COMMD1: variants seen among roughly 807,000 people sequenced by gnomAD.
COMMD1 encodes the protein COMM domain-containing protein 1.
COMMD1 carries 10 observed loss-of-function variants against 17.2 expected under a neutral mutation model. The ratio of observed to expected loss-of-function variants is 0.58; its 90% confidence interval spans 0.36 to 0.99. The LOEUF (loss-of-function observed/expected upper bound fraction) is 0.99, where lower values mean the gene tolerates loss of function less well. Among genes scored for constraint, COMMD1 ranks in the 50% least tolerant of loss-of-function variants. The pLI, the probability that COMMD1 is intolerant of heterozygous loss-of-function variation, is 0.01. For synonymous variants in COMMD1, 97 were observed against 91.6 expected (o/e 1.06, Z -0.34); for missense variants, 270 against 231.8 (o/e 1.17, Z -1.07).
At chr2:61,929,793 G>A (rs1325715580) in intron 1 of COMMD1, among the ~76,000 whole-genome samples, 2 of 152,100 alleles carry the variant, frequency 1.3e-5, no homozygotes, top group African/African-American at 2.4e-5. Context: ...GTATGGTGGT[G>A]CATGTCTGTA....
chr2:62,110,669 C>A (rs541957763), intron 2 of COMMD1, among the ~76,000 whole-genome samples: 29 of 152,198 alleles, frequency 1.9e-4, no homozygotes, highest in Non-Finnish European at 3.5e-4. Flanking sequence ...TGTTAGATGG[C>A]AAATAGGTTT....
intron 1 of COMMD1, among the ~76,000 whole-genome samples, chr2:61,981,111 CT>C (rs1671942854): frequency 6.6e-6 from 1 of 152,098 alleles, no homozygotes; most frequent in South Asian, 2.1e-4. Context: ...TGTCTCTTCC[CT>C]TTGTTGATGG....
At chr2:61,919,135 C>A (rs1300332891) in intron 1 of COMMD1, among the ~76,000 whole-genome samples, 5 of 151,992 alleles carry the variant, frequency 3.3e-5, no homozygotes, top group Non-Finnish European at 7.4e-5. Context: ...CCTCAGCCTC[C>A]CGTGTAGCTG....
At chr2:61,888,588 A>G (rs1042442511), upstream of COMMD1, 23 of 1,501,914 alleles carry the variant, frequency 1.5e-5, no homozygotes, top group Non-Finnish European at 1.7e-5. Flanking sequence ...AATAACGGTA[A>G]GCCCTCACTG....
chr2:61,938,143 C>A (rs1670649256), intron 1 of COMMD1, among the ~76,000 whole-genome samples: 1 of 152,032 alleles, frequency 6.6e-6, no homozygotes, highest in African/African-American at 2.4e-5. Context: ...TATTGCATTG[C>A]CTGTCTAAAA....
At chr2:61,892,527 T>C (rs1165906675) in intron 1 of COMMD1, among the ~76,000 whole-genome samples, 1 of 151,866 alleles carries the variant, frequency 6.6e-6, no homozygotes, top group Non-Finnish European at 1.5e-5. Flanking sequence ...ACCCTGTCTC[T>C]ACTAAAAATA....
intron 1 of COMMD1, among the ~76,000 whole-genome samples, chr2:61,962,195 G>C (rs535504953): frequency 8.5e-5 from 13 of 152,176 alleles, no homozygotes; most frequent in African/African-American, 3.1e-4. Flanking sequence ...TTATTTTCCT[G>C]GTCGGATTGC....
At chr2:62,093,549 T>A (rs1005930407) in intron 2 of COMMD1, among the ~76,000 whole-genome samples, 6 of 152,200 alleles carry the variant, frequency 3.9e-5, no homozygotes, top group Admixed American at 3.3e-4. Flanking sequence ...GAGGGGTAGA[T>A]GCTTACTGAT....
chr2:61,915,701 C>T lies in COMMD1; in HGVS notation c.180+9843C>T, dbSNP rs1057176577. On this transcript the variant is annotated intron_variant, in intron 1 of 2. Transcript: ENST00000311832. ...TTTTAGAGACAGAATCTCCCCATAT[C>T]GTCCAGGGTGGTCTCAAATTCCTGG... 5 of 453,178 alleles carry T rather than the reference C, an allele frequency of 1.1e-5. 1 individual carries two copies. Among genetic ancestry groups the T allele is most frequent in the South Asian group, 6.2e-5 (4 of 64,166 alleles). The allele number at this position is 453,178 out of a possible 1,614,324, so 28.1% of individuals were successfully genotyped here.
intron 2 of COMMD1, among the ~76,000 whole-genome samples, chr2:62,061,564 T>C (rs1670856759): frequency 6.7e-6 from 1 of 148,548 alleles, no homozygotes; most frequent in Non-Finnish European, 1.5e-5. Flanking sequence ...CTTTTTTTTT[T>C]TTTTTTTTTG....
Position 61,905,758 on chromosome 2 carries a change from A to G in COMMD1, c.80A>G (p.Tyr27Cys), listed in dbSNP as rs1460927192. 2 of 1,613,938 alleles carry G rather than the reference A, an allele frequency of 1.2e-6. No homozygotes were observed. The highest frequency in any genetic ancestry group is 1.7e-5 in the Admixed American group (1 of 59,986). Residue 27 changes from tyrosine to cysteine, a missense_variant, in exon 1 of 3, where the codon TAC becomes TGC. Coordinates refer to ENST00000311832, the MANE Select transcript of COMMD1 (RefSeq NM_152516.4). ...NALAQDTFHG[Y>C]PGITEELLRS... is the part of the protein sequence containing the mutation. Reference sequence around the variant, plus strand: ...CTGGCCCAGGACACTTTCCACGGGTACCCCGGCATCACAGAGGAGCTGCTA... The same window carrying G: ...CTGGCCCAGGACACTTTCCACGGGTGCCCCGGCATCACAGAGGAGCTGCTA...
intron 1 of COMMD1, among the ~76,000 whole-genome samples, chr2:61,995,107 T>TC (rs397794617): frequency 6.6e-6 from 1 of 151,808 alleles, no homozygotes; most frequent in Non-Finnish European, 1.5e-5. Flanking sequence ...AATTTTTTTT[T>TC]CATTAAAAAC....
chr2:61,924,107 C>T (rs1479627747), intron 1 of COMMD1, among the ~76,000 whole-genome samples: 1 of 152,138 alleles, frequency 6.6e-6, no homozygotes, highest in East Asian at 1.9e-4. Flanking sequence ...TAGTGTGAAG[C>T]ATGAACTGTT....
chr2:61,965,790 T>G (rs1170511135), intron 1 of COMMD1, among the ~76,000 whole-genome samples: 3 of 152,154 alleles, frequency 2.0e-5, no homozygotes, highest in Non-Finnish European at 2.9e-5. Flanking sequence ...TCTCCCTCAG[T>G]TGCCTTGTTT....
chr2:62,007,269 C>T (rs1052869677), intron 2 of COMMD1, among the ~76,000 whole-genome samples: 1 of 151,724 alleles, frequency 6.6e-6, no homozygotes, highest in Non-Finnish European at 1.5e-5. Context: ...TTTTTTTAAC[C>T]AACTCATATG....
At chr2:61,907,225 G>A (rs1439888929) in intron 1 of COMMD1, among the ~76,000 whole-genome samples, 3 of 152,204 alleles carry the variant, frequency 2.0e-5, no homozygotes, top group Admixed American at 2.0e-4. Flanking sequence ...TCCTGCCTCA[G>A]CCTCCCGAGT....
intron 1 of COMMD1, among the ~76,000 whole-genome samples, chr2:61,997,643 T>C (rs1479442365): frequency 6.6e-6 from 1 of 152,208 alleles, no homozygotes; most frequent in Non-Finnish European, 1.5e-5. Flanking sequence ...TAAACAGATA[T>C]GCTGTTTAGG....
intron 1 of COMMD1, among the ~76,000 whole-genome samples, chr2:61,943,100 T>C (rs148306257): frequency 1.4e-3 from 208 of 152,330 alleles, no homozygotes; most frequent in African/African-American, 4.8e-3. Context: ...TAAAGCAGGC[T>C]GAAAAGAAAG....
chr2:61,931,381 T>C (rs1670464124), intron 1 of COMMD1, among the ~76,000 whole-genome samples: 1 of 152,048 alleles, frequency 6.6e-6, no homozygotes. Context: ...ACCAATATGC[T>C]GATAGACAAG....
Sources: gnomAD v4.1 joint callset for allele counts (sites outside exome capture counted in the v4.1 genomes callset) on GRCh38, gnomAD v4.1.1 for gene constraint, MANE v1.5 for transcripts, NCBI Gene and HGNC (gene_info 2026-07-23, HGNC 2026-07-21) for gene names.